Variants in TMEM50A observed in about 807,000 individuals in gnomAD.
TMEM50A encodes transmembrane protein 50A.
TMEM50A carries 8 observed loss-of-function variants against 23.9 expected under a neutral mutation model. That is an observed-to-expected ratio of 0.33 (90% confidence interval 0.20 to 0.60). TMEM50A has a LOEUF of 0.60. Among genes scored for constraint, TMEM50A ranks in the 20% least tolerant of loss-of-function variants. The probability of loss-of-function intolerance (pLI) is 0.81; values close to 1 mark genes in which losing one functional copy is unlikely to be tolerated. For synonymous variants in TMEM50A, 55 were observed against 60.4 expected, an observed-to-expected ratio of 0.91 and a Z score of 0.41; for missense variants, 178 against 192.7, an observed-to-expected ratio of 0.92 and a Z score of 0.45.
chr1:25,348,348 T>C (rs964104846), intron 3 of TMEM50A, among the ~76,000 whole-genome samples: 1 of 152,244 alleles, frequency 6.6e-6, no homozygotes, highest in African/African-American at 2.4e-5. Flanking sequence ...GCTTTAAAAA[T>C]ATTAATAAAT....
intron 6 of TMEM50A, among the ~76,000 whole-genome samples, chr1:25,358,109 AG>A (rs1189071012): frequency 1.3e-5 from 2 of 150,456 alleles, no homozygotes; most frequent in African/African-American, 4.9e-5. Context: ...CAGCACGCCC[AG>A]CTAATTTTTT....
intron 6 of TMEM50A, among the ~76,000 whole-genome samples, chr1:25,357,559 GTGTT>G (rs1347248363): frequency 8.2e-4 from 121 of 147,046 alleles, no homozygotes; most frequent in African/African-American, 2.9e-3. Flanking sequence ...GTGTGTGTGT[GTGTT>G]GTGTGTGTGT....
At chr1:25,350,314 A>C (rs756845298) in intron 3 of TMEM50A, among the ~76,000 whole-genome samples, 6 of 152,216 alleles carry the variant, frequency 3.9e-5, no homozygotes, top group Non-Finnish European at 8.8e-5. Context: ...ATACAAATGG[A>C]ATATCAGATA....
intron 6 of TMEM50A, 75 bp downstream of exon 6, chr1:25,356,928 T>G (rs1645338719): frequency 1.8e-6 from 2 of 1,125,568 alleles, no homozygotes; most frequent in Admixed American, 4.9e-5. Context: ...TTTCTATATT[T>G]AGTTGCCTAA....
At chr1:25,350,195 AC>A (rs922019550) in intron 3 of TMEM50A, among the ~76,000 whole-genome samples, 1 of 152,236 alleles carries the variant, frequency 6.6e-6, no homozygotes, top group African/African-American at 2.4e-5. Flanking sequence ...GTACAAAATT[AC>A]TACAAAAAAA....
At chr1:25,359,682 C>G (rs1285846161) in intron 6 of TMEM50A, among the ~76,000 whole-genome samples, 2 of 152,156 alleles carry the variant, frequency 1.3e-5, no homozygotes, top group Non-Finnish European at 2.9e-5. Flanking sequence ...TACTAGTCTC[C>G]TGGGCTTTTC....
At chr1:25,354,750 A>G (rs1357783367) in intron 5 of TMEM50A, among the ~76,000 whole-genome samples, 1 of 151,942 alleles carries the variant, frequency 6.6e-6, no homozygotes, top group East Asian at 1.9e-4. Context: ...ATTTCACATG[A>G]TATTATAAGT....
chr1:25,342,352 G>A lies in TMEM50A; in HGVS notation c.94-609G>A, dbSNP rs996270027. ...TAAAAACTGTTTTTGAAGTTTTGGCGTTATTTTGTTATACCTTTGCCCTTG... is the reference window on the plus strand; with the variant it reads ...TAAAAACTGTTTTTGAAGTTTTGGCATTATTTTGTTATACCTTTGCCCTTG... On this transcript the variant is annotated intron_variant, in intron 2 of 6. Transcript: ENST00000374358. Among the ~76,000 whole-genome samples the A allele has an allele frequency of 3.7e-4, 56 of 152,184 alleles. 1 individual carries two copies. The highest frequency in any genetic ancestry group is 1.3e-3 in the African/African-American group (53 of 41,546).
intron 2 of TMEM50A, among the ~76,000 whole-genome samples, chr1:25,342,365 A>G (rs1645176597): frequency 2.0e-5 from 3 of 152,184 alleles, no homozygotes; most frequent in Admixed American, 1.3e-4. Flanking sequence ...ATTTTGTTAT[A>G]CCTTTGCCCT....
In TMEM50A at chr1:25,361,325, G is replaced by T. The variant is rs956444197; in HGVS notation, c.*620G>T. The T allele has an allele frequency of 6.6e-6, 1 of 152,466 alleles. No homozygotes were observed. Among genetic ancestry groups the T allele is most frequent in the Non-Finnish European group, 1.5e-5 (1 of 68,270 alleles). 9.4% of individuals were successfully genotyped at this position (152,466 alleles called of 1,614,324 possible). A position where few individuals can be genotyped will look rare whatever the true frequency, so the allele number is the denominator to read the frequency against. On this transcript the variant is annotated 3_prime_UTR_variant, in exon 7 of 7. Transcript: ENST00000374358. The stretch of plus-strand genomic sequence containing the variant: ...CCCTTCCATGGGAAGGTCTTCCGCT[G>T]TGCCTCTCATTCCAAGGGCAGGAAG...
Position 25,338,392 on chromosome 1 carries a change from G to C in TMEM50A, c.-78G>C, listed in dbSNP as rs1645122788. On this transcript the variant is annotated 5_prime_UTR_variant, in exon 1 of 7. Coordinates refer to ENST00000374358, the MANE Select transcript of TMEM50A (RefSeq NM_014313.4). ...GTTTTGTTTTCTTGGCTAAAATCGG[G>C]GGAGTGAGGCGGGCCGGCGCGGCGC... 6.5e-6 allele frequency: 1 copy of C among 153,724 alleles called. No individual in the cohort carries two copies. Among genetic ancestry groups the C allele is most frequent in the South Asian group, 2.1e-4 (1 of 4,860 alleles). 9.5% of individuals were successfully genotyped at this position (153,724 alleles called of 1,614,324 possible).
intron 2 of TMEM50A, 120 bp from the exon 3 acceptor site, chr1:25,342,841 G>A: frequency 2.9e-6 from 2 of 684,100 alleles, no homozygotes; most frequent in East Asian, 2.9e-5. Context: ...ATTACATGTG[G>A]GAAAAAGCTA....
At chr1:25,340,371 A>C (rs1645154860) in intron 1 of TMEM50A, 103 bp from the exon 2 acceptor site, 2 of 677,618 alleles carry the variant, frequency 3.0e-6, no homozygotes, top group African/African-American at 1.8e-5. Context: ...AAGCATTTGT[A>C]ATTTCACTTT....
At chr1:25,353,748 A>C (rs1432997683) in intron 5 of TMEM50A, among the ~76,000 whole-genome samples, 1 of 152,192 alleles carries the variant, frequency 6.6e-6, no homozygotes, top group Non-Finnish European at 1.5e-5. Context: ...GACCCTAGAA[A>C]AACAGAAAAC....
At chr1:25,348,275 G>C (rs1213034100) in intron 3 of TMEM50A, among the ~76,000 whole-genome samples, 2 of 152,144 alleles carry the variant, frequency 1.3e-5, no homozygotes, top group African/African-American at 4.8e-5. Flanking sequence ...TCAAAAAGCA[G>C]CTATTCTTTC....
intron 3 of TMEM50A, among the ~76,000 whole-genome samples, chr1:25,345,072 C>A (rs920233043): frequency 1.3e-5 from 2 of 151,688 alleles, no homozygotes; most frequent in African/African-American, 4.8e-5. Flanking sequence ...GACTTCCCTC[C>A]CCTGTTGATC....
At chr1:25,342,911 G>C (rs1192483190) in intron 2 of TMEM50A, 50 bp from the exon 3 acceptor site, 4 of 1,493,122 alleles carry the variant, frequency 2.7e-6, no homozygotes, top group Middle Eastern at 1.7e-4. Context: ...CTTTTAGCCA[G>C]TGAGATACAG....
chr1:25,354,322 A>G (rs554658121), intron 5 of TMEM50A, among the ~76,000 whole-genome samples: 2 of 152,286 alleles, frequency 1.3e-5, no homozygotes, highest in Non-Finnish European at 2.9e-5. Flanking sequence ...CATGTTACCA[A>G]AATTGTAGAA....
At chr1:25,352,539 A>C (rs1645284403) in intron 4 of TMEM50A, among the ~76,000 whole-genome samples, 1 of 152,094 alleles carries the variant, frequency 6.6e-6, no homozygotes, top group African/African-American at 2.4e-5. Flanking sequence ...TCTATATAAA[A>C]GCATAAGGAG....
Sources: gnomAD v4.1 joint callset for allele counts (sites outside exome capture counted in the v4.1 genomes callset) on GRCh38, gnomAD v4.1.1 for gene constraint, MANE v1.5 for transcripts, NCBI Gene and HGNC (gene_info 2026-07-23, HGNC 2026-07-21) for gene names.